Variants in UNC80 observed in about 807,000 individuals in gnomAD.
UNC80 encodes unc-80 subunit of NALCN channel complex.
In UNC80, 164 loss-of-function variants were observed where a neutral mutation model predicts 384.6. That is an observed-to-expected ratio of 0.43 (90% CI 0.38 to 0.49). The LOEUF is 0.49. Ranked by LOEUF, UNC80 falls within the 20% of genes least tolerant of loss-of-function variation. The pLI, the probability that UNC80 is intolerant of heterozygous loss-of-function variation, is 0.00. For missense variants in UNC80, 3,330 were observed against 4,143.0 expected (o/e 0.80, Z 5.39); for synonymous variants, 1,486 against 1,527.8 (o/e 0.97, Z 0.64).
intron 16 of UNC80, 98 bp from the exon 17 acceptor site, chr2:209,833,904 C>A: frequency 8.1e-7 from 1 of 1,231,956 alleles, no homozygotes; most frequent in Non-Finnish European, 1.1e-6. Flanking sequence ...CAATGCTCAT[C>A]TAAGCCTAAG....
chr2:209,915,970 C>A (rs551782766), intron 31 of UNC80, among the ~76,000 whole-genome samples: 2 of 152,094 alleles, frequency 1.3e-5, no homozygotes, highest in Non-Finnish European at 2.9e-5. Context: ...ATTCATATAA[C>A]AAAATACCAC....
chr2:209,868,628 A>G (rs1322715831), intron 22 of UNC80, among the ~76,000 whole-genome samples: 1 of 152,192 alleles, frequency 6.6e-6, no homozygotes, highest in Admixed American at 6.5e-5. Flanking sequence ...ATGGCAAAGA[A>G]GTCAAGGAAA....
intron 7 of UNC80, chr2:209,809,088 G>A (rs1216394858): frequency 4.0e-6 from 2 of 505,212 alleles, no homozygotes; most frequent in African/African-American, 3.9e-5. Flanking sequence ...AAGGCTCCCA[G>A]TCCCCCAGCC....
intron 7 of UNC80, chr2:209,808,948 A>G (rs1027042875): frequency 1.3e-5 from 4 of 314,186 alleles, no homozygotes; most frequent in South Asian, 5.5e-5. Flanking sequence ...TTTGCTGCCA[A>G]CACTCATCTG....
At chr2:209,843,206 G>A (rs752914216) in intron 21 of UNC80, among the ~76,000 whole-genome samples, 2 of 152,130 alleles carry the variant, frequency 1.3e-5, no homozygotes, top group African/African-American at 4.8e-5. Context: ...ACTTAGGATG[G>A]AATGCAATAT....
chr2:209,838,363 A>G (rs1289755997), intron 18 of UNC80, among the ~76,000 whole-genome samples: 2 of 151,048 alleles, frequency 1.3e-5, no homozygotes, highest in Admixed American at 6.6e-5. Flanking sequence ...TTCTGGTGAG[A>G]TTAAATTCTG....
intron 45 of UNC80, among the ~76,000 whole-genome samples, 164 bp downstream of exon 45, chr2:209,943,678 G>A (rs1361260199): frequency 6.6e-6 from 1 of 152,204 alleles, no homozygotes; most frequent in African/African-American, 2.4e-5. Context: ...AGTGAAAAAA[G>A]GAGAAGCTTC....
intron 6 of UNC80, among the ~76,000 whole-genome samples, chr2:209,790,722 T>C (rs2077742636): frequency 6.6e-6 from 1 of 152,218 alleles, no homozygotes; most frequent in Non-Finnish European, 1.5e-5. Context: ...TATTAACAAT[T>C]CTGGGTTGAA....
At position 209,927,012 on chromosome 2, in the gene UNC80, C is replaced by T. The variant is rs1026736793; in HGVS notation, c.5806+26C>T. ...GTACAGTTTTGAACAGTCAGATCATCAGTGACATTCTTAAGCTGTTTATCT... is the reference window on the plus strand; with the variant it reads ...GTACAGTTTTGAACAGTCAGATCATTAGTGACATTCTTAAGCTGTTTATCT... On this transcript the variant is annotated intron_variant, in intron 36 of 64. Coordinates refer to ENST00000673920, the MANE Select transcript of UNC80 (RefSeq NM_001371986.1). 1.2e-5 allele frequency: 18 copies of T among 1,549,826 alleles called. 1 individual carries two copies. The Admixed American group carries it at 3.1e-4, about 27-fold the overall frequency.
At chr2:209,877,932 A>G in intron 23 of UNC80, 22 bp from the exon 24 acceptor site, 1 of 1,511,436 alleles carries the variant, frequency 6.6e-7, no homozygotes, top group Non-Finnish European at 8.9e-7. Context: ...GTGCTGTTTC[A>G]TTGTTTTCCT....
chr2:209,978,810 C>G, intron 59 of UNC80, 102 bp downstream of exon 59: 1 of 1,163,030 alleles, frequency 8.6e-7, no homozygotes, highest in South Asian at 2.8e-5. Context: ...CTTCTGATCC[C>G]CTAGTCATTT....
At chr2:209,978,187 C>G (rs969338337) in intron 58 of UNC80, among the ~76,000 whole-genome samples, 1 of 152,048 alleles carries the variant, frequency 6.6e-6, no homozygotes, top group Non-Finnish European at 1.5e-5. Flanking sequence ...GTAAAAATTG[C>G]CAAGTTGGAA....
At position 209,976,917 on chromosome 2, in the gene UNC80, T is replaced by C. The variant is rs747178103; in HGVS notation, c.8777T>C (p.Leu2926Pro). ...AATGTTATGCCTTCCTTTCAGCTGC[T>C]GGCCCAACCAGCAGAGAATCATGAA... ...LLRPFIQCKLLAQPAENHEEL... is the reference protein window; with the variant it reads ...LLRPFIQCKLPAQPAENHEEL... The change falls in exon 58 of 65, where the codon CTG becomes CCG. Residue 2926 changes from leucine to proline, a missense_variant. This residue lies in a region of UNC80 where 216 missense variants were observed against 245.3 expected (regional missense o/e 0.88). Transcript: ENST00000673920. The surrounding 1 kb of genome is among the most constrained non-coding windows in gnomAD (Gnocchi z 4.3). 6.6e-7 allele frequency: 1 copy of C among 1,510,814 alleles called. No homozygotes were observed. The highest frequency in any genetic ancestry group is 9.0e-7 in the Non-Finnish European group (1 of 1,114,074). 93.6% of individuals were successfully genotyped at this position (1,510,814 alleles called of 1,614,324 possible). A position where few individuals can be genotyped will look rare whatever the true frequency, so the allele number is the denominator to read the frequency against.
At chr2:209,789,995 A>G (rs1004686910) in intron 6 of UNC80, among the ~76,000 whole-genome samples, 1 of 152,102 alleles carries the variant, frequency 6.6e-6, no homozygotes, top group South Asian at 2.1e-4. Flanking sequence ...ACTCTAATGT[A>G]GGTAGAATAA....
At chr2:209,781,644 G>A (rs529298695) in intron 4 of UNC80, among the ~76,000 whole-genome samples, 27 of 152,192 alleles carry the variant, frequency 1.8e-4, no homozygotes, top group African/African-American at 5.5e-4. Flanking sequence ...GTTGTCTGCC[G>A]CTTTAACATT....
intron 7 of UNC80, chr2:209,809,192 G>T (rs1574535360): frequency 1.5e-6 from 1 of 658,316 alleles, no homozygotes. Context: ...GGCCAAGTGT[G>T]CAAGCAGCTG....
intron 24 of UNC80, among the ~76,000 whole-genome samples, chr2:209,880,154 C>CG (rs1356257902): frequency 1.8e-4 from 27 of 152,052 alleles, no homozygotes; most frequent in Non-Finnish European, 3.1e-4. Context: ...CCTGTGTCAT[C>CG]AGTTGTGATG....
At chr2:209,889,122 G>C (rs887728311) in intron 26 of UNC80, among the ~76,000 whole-genome samples, 4 of 152,150 alleles carry the variant, frequency 2.6e-5, no homozygotes, top group Non-Finnish European at 5.9e-5. Flanking sequence ...CCATGGAATA[G>C]ACCAGATATT....
intron 55 of UNC80, 113 bp downstream of exon 55, chr2:209,972,437 A>G: frequency 2.2e-6 from 3 of 1,375,416 alleles, no homozygotes; most frequent in Non-Finnish European, 2.9e-6. Context: ...GTCAGTCTGA[A>G]TGATTTAAAT....
Sources: gnomAD v4.1 joint callset for allele counts (sites outside exome capture counted in the v4.1 genomes callset) on GRCh38, gnomAD v4.1.1 for gene constraint, gnomAD v4.1.1 regional missense constraint, Gnocchi (gnomAD v3.1) non-coding constraint, MANE v1.5 for transcripts, NCBI Gene and HGNC (gene_info 2026-07-23, HGNC 2026-07-21) for gene names.